PGM3: variants seen among roughly 807,000 people sequenced by gnomAD.
PGM3 encodes the protein phosphoacetylglucosamine mutase.
In PGM3, 40 loss-of-function variants were observed where a neutral mutation model predicts 66.2. That is an observed-to-expected ratio of 0.60 (90% CI 0.47 to 0.79). The LOEUF (loss-of-function observed/expected upper bound fraction) is 0.79. PGM3 is among the 30% of genes least tolerant of loss of function. PGM3 has a pLI of 0.00. For missense variants in PGM3, 537 were observed against 643.4 expected (o/e 0.83, Z 1.79); for synonymous variants, 191 against 224.2 (o/e 0.85, Z 1.32).
downstream of PGM3, chr6:83,158,761 A>G: frequency 4.4e-6 from 3 of 680,238 alleles, no homozygotes; most frequent in Non-Finnish European, 7.3e-6. Context: ...TTTGGATATA[A>G]TGTAGTTTTA....
At chr6:83,187,179 G>A (rs1788646692) in intron 3 of PGM3, 104 bp from the exon 4 acceptor site, 16 of 674,940 alleles carry the variant, frequency 2.4e-5, no homozygotes. Context: ...TTTCAAAATA[G>A]TAAGTTCCTG....
At chr6:83,173,759 CAG>C (rs566384891) in intron 10 of PGM3, among the ~76,000 whole-genome samples, 3 of 152,176 alleles carry the variant, frequency 2.0e-5, no homozygotes, top group South Asian at 4.1e-4. Context: ...GTTTTTGAGA[CAG>C]AGTCTCGCTC....
At chr6:83,182,361 C>T (rs527816301) in intron 5 of PGM3, among the ~76,000 whole-genome samples, 32 of 152,258 alleles carry the variant, frequency 2.1e-4, no homozygotes, top group African/African-American at 7.2e-4. Context: ...GCTATCCTCA[C>T]CCCAAATTAT....
At chr6:83,151,781 A>G in the PGM3 span, 1 of 1,434,936 alleles carries the variant, frequency 7.0e-7, no homozygotes, top group Non-Finnish European at 9.5e-7. Flanking sequence ...GGAATCAACA[A>G]GTCTATTGTA....
chr6:83,180,872 A>G (rs1351359945), intron 6 of PGM3, among the ~76,000 whole-genome samples: 3 of 152,248 alleles, frequency 2.0e-5, no homozygotes, highest in Admixed American at 2.0e-4. Flanking sequence ...TGAAGTCTGT[A>G]GAGTTCCAGA....
intron 1 of PGM3, chr6:83,191,370 A>C: frequency 4.2e-6 from 3 of 714,672 alleles, no homozygotes; most frequent in South Asian, 3.4e-5. Flanking sequence ...ATGAGCTCAA[A>C]GATCATTTCA....
chr6:83,151,412 CA>C, the PGM3 span, among the ~76,000 whole-genome samples: 1 of 152,134 alleles, frequency 6.6e-6, no homozygotes, highest in Non-Finnish European at 1.5e-5. Flanking sequence ...CATCTTTATA[CA>C]GTGTCTTTTC....
At chr6:83,192,847 A>C (rs1276915806) in intron 1 of PGM3, among the ~76,000 whole-genome samples, 3 of 151,480 alleles carry the variant, frequency 2.0e-5, no homozygotes, top group East Asian at 3.9e-4. Context: ...GTATCCCCCT[A>C]CTCTCCATTC....
rs1386221444 is a variant in PGM3, at chr6:83,165,599, GAA to G, written c.*3633_*3634del. On this transcript the variant is annotated 3_prime_UTR_variant, in exon 13 of 13. Coordinates refer to ENST00000513973, the MANE Select transcript of PGM3 (RefSeq NM_015599.3). ...AAAAATCCATGCTTCCAAATTTGAC[GAA>G]CTCTTGGAAAGCATTTTCTGTGTCC... is the stretch of plus-strand genomic sequence containing the variant. 4 of 173,644 alleles carry G rather than the reference GAA, an allele frequency of 2.3e-5. No individual in the cohort carries two copies. The highest frequency in any genetic ancestry group is 9.5e-5 in the African/African-American group (4 of 42,122). 10.8% of individuals were successfully genotyped at this position (173,644 alleles called of 1,614,324 possible).
At chr6:83,152,969 T>TA in the PGM3 span, among the ~76,000 whole-genome samples, 1 of 152,184 alleles carries the variant, frequency 6.6e-6, no homozygotes, top group Non-Finnish European at 1.5e-5. Flanking sequence ...TATTTTACAA[T>TA]TTACCAAACA....
intron 3 of PGM3, among the ~76,000 whole-genome samples, chr6:83,187,339 C>G (rs1788657740): frequency 6.6e-6 from 1 of 151,994 alleles, no homozygotes; most frequent in Non-Finnish European, 1.5e-5. Flanking sequence ...CACAGCATAC[C>G]CAAATACCTT....
chr6:83,169,976 T>C, intron 12 of PGM3: 1 of 386,760 alleles, frequency 2.6e-6, no homozygotes, highest in South Asian at 2.2e-5. Flanking sequence ...CACAAGAGTA[T>C]ATTTTTAAAA....
At chr6:83,174,305 C>T in intron 10 of PGM3, 69 bp downstream of exon 10, 1 of 826,060 alleles carries the variant, frequency 1.2e-6, no homozygotes. Flanking sequence ...TATGCACCCA[C>T]ACTCTGTTCT....
At position 83,165,916 on chromosome 6, in the gene PGM3, G is replaced by A. The variant is rs9449585; in HGVS notation, c.*3318C>T. The A allele has an allele frequency of 0.015, 6,215 of 403,814 alleles. 177 individuals are homozygous for A. Among genetic ancestry groups the A allele is most frequent in the African/African-American group, 0.073 (3,540 of 48,454 alleles). The allele number at this position is 403,814 out of a possible 1,614,324, so 25.0% of individuals were successfully genotyped here. A position where few individuals can be genotyped will look rare whatever the true frequency, so the allele number is the denominator to read the frequency against. ...TAATGGTTTCACCTGGATTCAGAAA[G>A]CTGTAGTGGATCAGACTGGCAGCAA... On this transcript the variant is annotated 3_prime_UTR_variant, in exon 13 of 13. Transcript: ENST00000513973.
chr6:83,186,014 G>A (rs1243825610), intron 4 of PGM3, among the ~76,000 whole-genome samples: 2 of 152,104 alleles, frequency 1.3e-5, no homozygotes, highest in African/African-American at 4.8e-5. Flanking sequence ...GATCTTTAAA[G>A]CATAAATTAT....
In PGM3 at chr6:83,169,309, G is replaced by A. The variant is rs375523747; in HGVS notation, c.1554C>T (p.His518=). Residue 518 remains histidine, a synonymous_variant, in exon 13 of 13, where the codon CAC becomes CAT. Coordinates refer to ENST00000513973, the MANE Select transcript of PGM3 (RefSeq NM_015599.3). ...AEADSQESAD[H]LAHEVSLAVF... ...CTGCCAAGCTCACTTCATGTGCAAG[G>A]TGATCTGCACTTTCCTGCAAATTAC... is the stretch of plus-strand genomic sequence containing the variant. 2 of 1,612,990 alleles carry A rather than the reference G, an allele frequency of 1.2e-6. No individual in the cohort carries two copies. The highest frequency in any genetic ancestry group is 1.3e-5 in the African/African-American group (1 of 75,008).
Position 83,166,783 on chromosome 6 carries a change from G to C in PGM3, c.*2451C>G. ...ATTTTGCATCTGCTTGACCCACTAG[G>C]AAACTAGTGATATTAAATTATTAGG... is the stretch of plus-strand genomic sequence containing the variant. On this transcript the variant is annotated 3_prime_UTR_variant, in exon 13 of 13. Transcript: ENST00000513973. The C allele has an allele frequency of 2.8e-6, 3 of 1,057,124 alleles. No individual in the cohort carries two copies. The highest frequency in any genetic ancestry group is 3.4e-6 in the Non-Finnish European group (3 of 876,918). 65.5% of individuals were successfully genotyped at this position (1,057,124 alleles called of 1,614,324 possible). A position where few individuals can be genotyped will look rare whatever the true frequency, so the allele number is the denominator to read the frequency against.
At chr6:83,180,647 C>T (rs547231624) in intron 6 of PGM3, among the ~76,000 whole-genome samples, 91 of 152,268 alleles carry the variant, frequency 6.0e-4, no homozygotes, top group African/African-American at 1.9e-3. Flanking sequence ...AAAGCAAGGA[C>T]TATGGTTTTG....
chr6:83,156,384 G>A (rs1012881836), downstream of PGM3, among the ~76,000 whole-genome samples: 4 of 152,078 alleles, frequency 2.6e-5, no homozygotes, highest in Non-Finnish European at 4.4e-5. Flanking sequence ...ATTTTGCTGC[G>A]GGCAGTCATG....
Sources: gnomAD v4.1 joint callset for allele counts (sites outside exome capture counted in the v4.1 genomes callset) on GRCh38, gnomAD v4.1.1 for gene constraint, MANE v1.5 for transcripts, NCBI Gene and HGNC (gene_info 2026-07-23, HGNC 2026-07-21) for gene names.